DNAJA4: variants seen among roughly 807,000 people sequenced by gnomAD.
The protein encoded by DNAJA4 is DnaJ heat shock protein family (Hsp40) member A4, also known as dnaJ homolog subfamily A member 4.
Under a neutral mutation model 39.7 loss-of-function variants are expected in DNAJA4, and 32 were observed. That is an observed-to-expected ratio of 0.81 (90% CI 0.61 to 1.08). The LOEUF (loss-of-function observed/expected upper bound fraction) is 1.08. Ranked by LOEUF, DNAJA4 falls within the 50% of genes least tolerant of loss-of-function variation. The pLI, the probability that DNAJA4 is intolerant of heterozygous loss-of-function variation, is 0.00. For synonymous variants in DNAJA4, 184 were observed against 182.4 expected, an observed-to-expected ratio of 1.01 and a Z score of -0.07; for missense variants, 439 against 505.1, an observed-to-expected ratio of 0.87 and a Z score of 1.25.
chr15:78,267,193 A>AGTGTGT (rs1366950739), intron 1 of DNAJA4, among the ~76,000 whole-genome samples: 1 of 150,444 alleles, frequency 6.6e-6, no homozygotes, highest in Admixed American at 6.6e-5. Context: ...TGTGTGTGTG[A>AGTGTGT]GTGTGTATGT....
Position 78,281,672 on chromosome 15 carries a change from C to G in DNAJA4, c.*1212C>G, listed in dbSNP as rs1040453290. 1.3e-5 allele frequency: 2 copies of G among 152,188 alleles called. No homozygotes were observed. The highest frequency in any genetic ancestry group is 2.9e-5 in the Non-Finnish European group (2 of 68,040). 9.4% of individuals were successfully genotyped at this position (152,188 alleles called of 1,614,324 possible). On this transcript the variant is annotated 3_prime_UTR_variant, in exon 7 of 7. Coordinates refer to ENST00000394852, the MANE Select transcript of DNAJA4 (RefSeq NM_001130182.2). Reference sequence around the variant, plus strand: ...TTAGCCATTACTGCTTATTTCTTTTCCCCAAGTCACAAAAAACTTGTAAGC... The same window carrying G: ...TTAGCCATTACTGCTTATTTCTTTTGCCCAAGTCACAAAAAACTTGTAAGC...
intron 1 of DNAJA4, chr15:78,265,680 A>C: frequency 1.4e-6 from 1 of 701,526 alleles, no homozygotes; most frequent in Non-Finnish European, 2.6e-6. Flanking sequence ...CCACCTGAAT[A>C]GGTGAATTGA....
Position 78,264,705 on chromosome 15 carries a change from C to A in DNAJA4, c.-59C>A. 8 of 1,333,664 alleles carry A rather than the reference C, an allele frequency of 6.0e-6. No homozygotes were observed. Among genetic ancestry groups the A allele is most frequent in the Non-Finnish European group, 7.8e-6 (8 of 1,022,020 alleles). 82.6% of individuals were successfully genotyped at this position (1,333,664 alleles called of 1,614,324 possible). ...CGGGCCAGGGGCGCGGGCCAGGGTGCCGGCAGGGGCGTCCGGGGCGCTCTG... is the reference window on the plus strand; with the variant it reads ...CGGGCCAGGGGCGCGGGCCAGGGTGACGGCAGGGGCGTCCGGGGCGCTCTG... On this transcript the variant is annotated 5_prime_UTR_variant, in exon 1 of 7. Transcript: ENST00000394852.
chr15:78,278,058 TC>T (rs2049524783), intron 5 of DNAJA4: 2 of 455,966 alleles, frequency 4.4e-6, no homozygotes, highest in African/African-American at 4.0e-5. Flanking sequence ...AATGCCTTCT[TC>T]CCCAGAGCCT....
intron 1 of DNAJA4, among the ~76,000 whole-genome samples, chr15:78,267,577 C>T (rs1429706651): frequency 1.3e-5 from 2 of 152,000 alleles, no homozygotes; most frequent in African/African-American, 4.8e-5. Flanking sequence ...GGCTATTACC[C>T]TGTTGAGATG....
At chr15:78,273,567 G>T (rs577496972) in intron 3 of DNAJA4, among the ~76,000 whole-genome samples, 1 of 152,178 alleles carries the variant, frequency 6.6e-6, no homozygotes, top group Admixed American at 6.5e-5. Context: ...GACTTTTTCT[G>T]TAAAGAGCCA....
At chr15:78,270,369 G>A in intron 1 of DNAJA4, 128 bp from the exon 2 acceptor site, 1 of 933,284 alleles carries the variant, frequency 1.1e-6, no homozygotes, top group Non-Finnish European at 1.6e-6. Context: ...GGTAGAGGAT[G>A]TATAGACTGG....
intron 1 of DNAJA4, 63 bp downstream of exon 1, chr15:78,264,958 C>T: frequency 6.8e-7 from 1 of 1,459,908 alleles, no homozygotes; most frequent in Non-Finnish European, 9.1e-7. Flanking sequence ...AAGCCAGGAG[C>T]ATTGAAGGCG....
chr15:78,265,329 A>G (rs976112089), intron 1 of DNAJA4, among the ~76,000 whole-genome samples: 1 of 152,098 alleles, frequency 6.6e-6, no homozygotes. Context: ...TGATGCATAA[A>G]CCCTAGGGAT....
At chr15:78,275,750 C>T in intron 5 of DNAJA4, 22 bp downstream of exon 5, 2 of 1,522,096 alleles carry the variant, frequency 1.3e-6, no homozygotes, top group Non-Finnish European at 1.8e-6. Context: ...AAGTGTGTTT[C>T]CATTGATGTT....
chr15:78,266,114 T>G (rs1323790048), intron 1 of DNAJA4: 4 of 882,050 alleles, frequency 4.5e-6, no homozygotes, highest in Non-Finnish European at 7.0e-6. Context: ...TTAAAGGCAC[T>G]GGCGTTTTAC....
At chr15:78,268,845 A>G (rs1188904484) in intron 1 of DNAJA4, among the ~76,000 whole-genome samples, 1 of 152,218 alleles carries the variant, frequency 6.6e-6, no homozygotes, top group Non-Finnish European at 1.5e-5. Flanking sequence ...CATAAGCAGT[A>G]GATGATGCAG....
chr15:78,274,497 A>G (rs1255859511), intron 4 of DNAJA4, 73 bp downstream of exon 4: 1 of 1,340,046 alleles, frequency 7.5e-7, no homozygotes, highest in Admixed American at 1.8e-5. Context: ...AGATACACAG[A>G]CTAGATGTCA....
In DNAJA4 at chr15:78,277,982, T is replaced by TG; in HGVS notation, c.878-2062dup. 3 of 452,460 alleles carry TG rather than the reference T, an allele frequency of 6.6e-6. No homozygotes were observed. The Admixed American group carries it at 7.2e-5, about 11-fold the overall frequency. The allele number at this position is 452,460 out of a possible 1,614,324, so 28.0% of individuals were successfully genotyped here. On this transcript the variant is annotated intron_variant, in intron 5 of 6. Transcript: ENST00000394852. ...CCCTCTCTTTTCTTCACCCCTCTTTTGTGTTGGCTTATTTCTTGTTTCTCC... is the reference window on the plus strand; with the variant it reads ...CCCTCTCTTTTCTTCACCCCTCTTTTGGTGTTGGCTTATTTCTTGTTTCTCC...
chr15:78,280,454 G>T lies in DNAJA4; in HGVS notation c.1188G>T (p.Thr396=), dbSNP rs757140628. Residue 396 remains threonine, a synonymous_variant, in exon 7 of 7, where the codon ACG becomes ACT. Coordinates refer to ENST00000394852, the MANE Select transcript of DNAJA4 (RefSeq NM_001130182.2). The part of the protein sequence containing the change: ...DGPQAGVQCQ[T]A ...CCCAGGCTGGAGTGCAGTGCCAGAC[G>T]GCATGACGTGGTGCGGGGCAGCGTG... is the stretch of plus-strand genomic sequence containing the variant. 1 of 1,608,292 alleles carries T rather than the reference G, an allele frequency of 6.2e-7. No individual in the cohort carries two copies. Among genetic ancestry groups the T allele is most frequent in the African/African-American group, 1.3e-5 (1 of 74,998 alleles).
At chr15:78,271,987 C>A (rs923875611) in intron 2 of DNAJA4, among the ~76,000 whole-genome samples, 1 of 152,046 alleles carries the variant, frequency 6.6e-6, no homozygotes, top group Non-Finnish European at 1.5e-5. Context: ...ACATAGAGTG[C>A]TGAAAATCAC....
intron 4 of DNAJA4, 32 bp downstream of exon 4, chr15:78,274,456 G>A: frequency 6.3e-7 from 1 of 1,595,216 alleles, no homozygotes; most frequent in Non-Finnish European, 8.6e-7. Flanking sequence ...GCTCCACACG[G>A]GCTGGAAATG....
intron 2 of DNAJA4, among the ~76,000 whole-genome samples, chr15:78,272,811 A>G (rs2049337711): frequency 6.6e-6 from 1 of 152,204 alleles, no homozygotes; most frequent in Non-Finnish European, 1.5e-5. Context: ...TTGTCCTCAG[A>G]TTTGTTCTCA....
chr15:78,278,105 A>C (rs1299090349), intron 5 of DNAJA4: 1 of 455,840 alleles, frequency 2.2e-6, no homozygotes, highest in African/African-American at 2.0e-5. Flanking sequence ...GGATTGGATT[A>C]ATTAAAAAAG....
Sources: gnomAD v4.1 joint callset for allele counts (sites outside exome capture counted in the v4.1 genomes callset) on GRCh38, gnomAD v4.1.1 for gene constraint, MANE v1.5 for transcripts, NCBI Gene and HGNC (gene_info 2026-07-23, HGNC 2026-07-21) for gene names.